Variants in CATSPERB observed in about 807,000 individuals in gnomAD.
CATSPERB encodes catsper channel auxiliary subunit beta, also known as cation channel sperm-associated auxiliary subunit beta.
CATSPERB carries 93 observed loss-of-function variants against 128.3 expected under a neutral mutation model. The ratio of observed to expected loss-of-function variants is 0.72; its 90% CI spans 0.61 to 0.86. The LOEUF is 0.86. Ranked by LOEUF, CATSPERB falls within the 40% of genes least tolerant of loss-of-function variation. The probability of loss-of-function intolerance (pLI) is 0.00; values close to 1 mark genes in which losing one functional copy is unlikely to be tolerated. For missense variants in CATSPERB, 1,153 were observed against 1,329.5 expected, an observed-to-expected ratio of 0.87 and a Z score of 2.06; for synonymous variants, 381 against 448.8, an observed-to-expected ratio of 0.85 and a Z score of 1.91.
At chr14:91,674,146 T>A in intron 12 of CATSPERB, 30 bp downstream of exon 12, 1 of 1,338,484 alleles carries the variant, frequency 7.5e-7, no homozygotes, top group Non-Finnish European at 1.1e-6. Flanking sequence ...CAACAAAATT[T>A]CTTAACTTAT....
intron 14 of CATSPERB, among the ~76,000 whole-genome samples, chr14:91,663,137 GA>G (rs1306305594): frequency 6.6e-6 from 1 of 151,836 alleles, no homozygotes; most frequent in Non-Finnish European, 1.5e-5. Context: ...AGAGGATGCA[GA>G]AAACTTTCTT....
intron 22 of CATSPERB, among the ~76,000 whole-genome samples, chr14:91,602,471 G>A (rs1342595496): frequency 6.6e-6 from 1 of 152,018 alleles, no homozygotes; most frequent in Admixed American, 6.6e-5. Context: ...GATTAAGGGA[G>A]CAAAAATTAT....
At chr14:91,649,024 T>C (rs1894658098) in intron 15 of CATSPERB, among the ~76,000 whole-genome samples, 2 of 151,604 alleles carry the variant, frequency 1.3e-5, no homozygotes, top group South Asian at 4.2e-4. Flanking sequence ...TTATCTTACA[T>C]ACAGCCTATT....
chr14:91,632,639 T>C (rs1894299508), intron 17 of CATSPERB, among the ~76,000 whole-genome samples: 1 of 152,150 alleles, frequency 6.6e-6, no homozygotes, highest in African/African-American at 2.4e-5. Context: ...TTAATACAGC[T>C]TTCTCAATAA....
intron 22 of CATSPERB, among the ~76,000 whole-genome samples, chr14:91,596,703 A>G (rs1257061439): frequency 6.6e-6 from 1 of 152,168 alleles, no homozygotes; most frequent in Non-Finnish European, 1.5e-5. Context: ...GAATTACAGG[A>G]GTTTCCTATA....
chr14:91,686,591 C>T lies in CATSPERB; in HGVS notation c.865-2648G>A, dbSNP rs529343203. 2.6e-5 allele frequency among the ~76,000 whole-genome samples: 4 copies of T among 152,286 alleles called. No homozygotes were observed. The South Asian group carries it at 8.3e-4, about 32-fold the overall frequency. On this transcript the variant is annotated intron_variant, in intron 10 of 26. Coordinates refer to ENST00000256343, the MANE Select transcript of CATSPERB (RefSeq NM_024764.4). Reference sequence around the variant, plus strand: ...TTTGGAACACTGTATTTCCCCTCTCCCTCATCACTATCAACCATCAATGAG... The same window carrying T: ...TTTGGAACACTGTATTTCCCCTCTCTCTCATCACTATCAACCATCAATGAG...
At chr14:91,682,387 G>A (rs897422971) in intron 11 of CATSPERB, among the ~76,000 whole-genome samples, 6 of 152,178 alleles carry the variant, frequency 3.9e-5, no homozygotes, top group Admixed American at 2.0e-4. Flanking sequence ...GCACCACTGT[G>A]CACTGAACAC....
At chr14:91,635,358 C>CT (rs77721928) in intron 17 of CATSPERB, among the ~76,000 whole-genome samples, 40 of 149,396 alleles carry the variant, frequency 2.7e-4, no homozygotes, top group East Asian at 5.9e-4. Flanking sequence ...AATTCATATT[C>CT]TTTTTTTTTT....
chr14:91,631,908 TAA>T (rs1894285042), intron 17 of CATSPERB, among the ~76,000 whole-genome samples: 1 of 151,428 alleles, frequency 6.6e-6, no homozygotes, highest in Non-Finnish European at 1.5e-5. Flanking sequence ...TAACACACAG[TAA>T]AAATCTTGGA....
intron 23 of CATSPERB, among the ~76,000 whole-genome samples, 166 bp from the exon 24 acceptor site, chr14:91,589,835 T>A (rs1435128879): frequency 6.6e-6 from 1 of 152,208 alleles, no homozygotes; most frequent in Non-Finnish European, 1.5e-5. Flanking sequence ...TAGAGCAGAA[T>A]CAATGTGAAC....
intron 14 of CATSPERB, among the ~76,000 whole-genome samples, chr14:91,667,888 C>A (rs575931826): frequency 1.3e-5 from 2 of 152,228 alleles, no homozygotes; most frequent in Non-Finnish European, 2.9e-5. Flanking sequence ...CTATTACTCA[C>A]CTTTGGGCCC....
At chr14:91,625,529 A>G (rs1488460794) in intron 17 of CATSPERB, among the ~76,000 whole-genome samples, 1 of 152,252 alleles carries the variant, frequency 6.6e-6, no homozygotes, top group East Asian at 1.9e-4. Context: ...AAATGCAATG[A>G]TTAAAAGGGT....
intron 7 of CATSPERB, among the ~76,000 whole-genome samples, chr14:91,698,824 A>G (rs1011890683): frequency 1.3e-5 from 2 of 152,074 alleles, no homozygotes; most frequent in Non-Finnish European, 2.9e-5. Context: ...CATTGTACCT[A>G]ATGTGTGGTT....
intron 20 of CATSPERB, among the ~76,000 whole-genome samples, chr14:91,611,116 A>C (rs1167986049): frequency 6.6e-6 from 1 of 152,226 alleles, no homozygotes; most frequent in Non-Finnish European, 1.5e-5. Flanking sequence ...ATAGCAAACT[A>C]ATATAGTGAA....
chr14:91,702,059 G>T (rs1255001656), intron 7 of CATSPERB, among the ~76,000 whole-genome samples: 1 of 152,066 alleles, frequency 6.6e-6, no homozygotes, highest in Non-Finnish European at 1.5e-5. Flanking sequence ...TTTCTTGAGA[G>T]GTTGAGGTGG....
chr14:91,591,817 T>A, intron 23 of CATSPERB, 75 bp downstream of exon 23: 1 of 980,554 alleles, frequency 1.0e-6, no homozygotes, highest in Non-Finnish European at 1.6e-6. Context: ...GTTTTCATGT[T>A]TAACCTAAAG....
intron 15 of CATSPERB, among the ~76,000 whole-genome samples, chr14:91,654,785 T>G (rs981672033): frequency 2.0e-5 from 3 of 152,150 alleles, no homozygotes; most frequent in African/African-American, 7.2e-5. Context: ...GTGGAAACTG[T>G]GGGCCTTGGG....
rs145384562 is a variant in CATSPERB, at chr14:91,581,856, G to C, written c.3133-749C>G. Among the ~76,000 whole-genome samples, 260 of 152,276 alleles carry C rather than the reference G, an allele frequency of 1.7e-3. 1 individual carries two copies. Among genetic ancestry groups the C allele is most frequent in the African/African-American group, 6.1e-3 (253 of 41,554 alleles). On this transcript the variant is annotated intron_variant, in intron 26 of 26. Coordinates refer to ENST00000256343, the MANE Select transcript of CATSPERB (RefSeq NM_024764.4). ...GAAGCAGGAAGCCAGATCGTCTTTT[G>C]TGGGAGAAGAACGTGCTGATGAATG...
chr14:91,695,710 G>A (rs1595182610), intron 7 of CATSPERB, among the ~76,000 whole-genome samples: 1 of 152,318 alleles, frequency 6.6e-6, no homozygotes, highest in East Asian at 1.9e-4. Context: ...ATGTGATCTG[G>A]TTTATACTTG....
Sources: gnomAD v4.1 joint callset for allele counts (sites outside exome capture counted in the v4.1 genomes callset) on GRCh38, gnomAD v4.1.1 for gene constraint, MANE v1.5 for transcripts, NCBI Gene and HGNC (gene_info 2026-07-23, HGNC 2026-07-21) for gene names.